The following MSH3 variants were observed in gnomAD, a reference collection of about 807,000 sequenced individuals.
The protein encoded by MSH3 is DNA mismatch repair protein Msh3.
Under a neutral mutation model 123.3 loss-of-function variants are expected in MSH3, and 106 were observed. That is an observed-to-expected ratio of 0.86 (90% confidence interval 0.73 to 1.01). The LOEUF is 1.01. MSH3 is among the 50% of genes least tolerant of loss of function. MSH3 has a pLI of 0.00. For missense variants in MSH3, 1,459 were observed against 1,347.6 expected, an observed-to-expected ratio of 1.08 and a Z score of -1.29; for synonymous variants, 515 against 481.4, an observed-to-expected ratio of 1.07 and a Z score of -0.91.
chr5:80,722,959 T>C (rs1341964908), intron 8 of MSH3, among the ~76,000 whole-genome samples: 3 of 151,880 alleles, frequency 2.0e-5, no homozygotes, highest in African/African-American at 7.3e-5. Flanking sequence ...ACAAAAAAAT[T>C]AGCTGGGCGT....
chr5:80,662,551 G>T (rs1749459506), intron 2 of MSH3, among the ~76,000 whole-genome samples: 1 of 152,128 alleles, frequency 6.6e-6, no homozygotes, highest in South Asian at 2.1e-4. Context: ...TTGGGGCGGG[G>T]CACGGTGGCT....
At chr5:80,861,999 C>T (rs1746021249) in intron 21 of MSH3, among the ~76,000 whole-genome samples, 1 of 152,050 alleles carries the variant, frequency 6.6e-6, no homozygotes. Context: ...CTTCCCTGAC[C>T]TTTTTATGGA....
chr5:80,763,346 G>A (rs1744074359), intron 13 of MSH3, among the ~76,000 whole-genome samples: 1 of 152,216 alleles, frequency 6.6e-6, no homozygotes, highest in Admixed American at 6.5e-5. Context: ...TGGAAATACT[G>A]ATCCTGGGGA....
chr5:80,743,882 G>A (rs959325251), intron 11 of MSH3, among the ~76,000 whole-genome samples: 1 of 151,700 alleles, frequency 6.6e-6, no homozygotes, highest in Admixed American at 6.6e-5. Context: ...AACTCAAGTG[G>A]AAACAGCCAT....
At position 80,654,687 on chromosome 5, in the gene MSH3, C is replaced by A; in HGVS notation, c.-41C>A. The A allele has an allele frequency of 6.4e-7, 1 of 1,558,362 alleles. No homozygotes were observed. Among genetic ancestry groups the A allele is most frequent in the Non-Finnish European group, 8.7e-7 (1 of 1,152,380 alleles). ...GAACTGCGGCCGCGGGCTCGCGCTCCTCGCCAGGCCCTGCCGCCGGGCTGC... is the reference window on the plus strand; with the variant it reads ...GAACTGCGGCCGCGGGCTCGCGCTCATCGCCAGGCCCTGCCGCCGGGCTGC... On this transcript the variant is annotated 5_prime_UTR_variant, in exon 1 of 24. Transcript: ENST00000265081.
Position 80,695,138 on chromosome 5 carries a change from G to T in MSH3, c.1340+16045G>T, listed in dbSNP as rs145568002. ...TCTCCTCTTGGGACTTTGATCACAA[G>T]AATGTTAGATCTTTTGTTATAGTCC... is the stretch of plus-strand genomic sequence containing the variant. On this transcript the variant is annotated intron_variant, in intron 8 of 23. Coordinates refer to ENST00000265081, the MANE Select transcript of MSH3 (RefSeq NM_002439.5). Among the ~76,000 whole-genome samples the T allele has an allele frequency of 7.7e-5, 11 of 143,454 alleles. No homozygotes were observed. The East Asian group carries it at 2.4e-3, about 31-fold the overall frequency. The allele number at this position is 143,454 out of a possible 152,430, so 94.1% of individuals were successfully genotyped here.
At chr5:80,861,740 G>C (rs1452732522) in intron 21 of MSH3, among the ~76,000 whole-genome samples, 1 of 152,082 alleles carries the variant, frequency 6.6e-6, no homozygotes, top group East Asian at 1.9e-4. Context: ...TCCAGCAATT[G>C]ATCAGTTCCA....
At chr5:80,858,904 G>A (rs1218773102) in intron 21 of MSH3, among the ~76,000 whole-genome samples, 1 of 151,968 alleles carries the variant, frequency 6.6e-6, no homozygotes. Context: ...ATGCATACAT[G>A]TTAAGGATAT....
At chr5:80,856,452 C>CA (rs1473069206) in intron 21 of MSH3, among the ~76,000 whole-genome samples, 1 of 146,914 alleles carries the variant, frequency 6.8e-6, no homozygotes, top group South Asian at 2.1e-4. Flanking sequence ...ATCGCAAGGA[C>CA]AAAAAACCAA....
In MSH3 at chr5:80,784,236, AAAAGGGAAATAAAT is replaced by A. The variant is rs1461210338; in HGVS notation, c.2436-3325_2436-3312del. Among the ~76,000 whole-genome samples the A allele has an allele frequency of 1.0e-3, 135 of 129,178 alleles. 8 individuals carry two copies. The highest frequency in any genetic ancestry group is 4.9e-3 in the African/African-American group (127 of 25,906). 84.7% of individuals were successfully genotyped at this position (129,178 alleles called of 152,430 possible). On this transcript the variant is annotated intron_variant, in intron 17 of 23. Transcript: ENST00000265081. ...GCAAAAAAAAAAAAAAAAAAAAAAA[AAAAGGGAAATAAAT>A]AAATAAATAAATAAAGTCGAAGCCA...
intron 20 of MSH3, among the ~76,000 whole-genome samples, chr5:80,844,490 A>G (rs1007764810): frequency 6.6e-6 from 1 of 152,096 alleles, no homozygotes; most frequent in African/African-American, 2.4e-5. Flanking sequence ...TCTAATATTG[A>G]TAGTGGGATG....
rs774583008 is a variant in MSH3, at chr5:80,694,363, G to C, written c.1340+15270G>C. ...CATTATATATACATAACTTATCACAGTGTACTTGTGTCATTGTTTTACCAG... is the reference window on the plus strand; with the variant it reads ...CATTATATATACATAACTTATCACACTGTACTTGTGTCATTGTTTTACCAG... On this transcript the variant is annotated intron_variant, in intron 8 of 23. Coordinates refer to ENST00000265081, the MANE Select transcript of MSH3 (RefSeq NM_002439.5). 7.1e-4 allele frequency among the ~76,000 whole-genome samples: 108 copies of C among 152,046 alleles called. 2 individuals are homozygous for C. Among genetic ancestry groups the C allele is most frequent in the Admixed American group, 6.6e-4 (10 of 15,254 alleles).
chr5:80,776,396 A>T (rs1316502799), intron 16 of MSH3, among the ~76,000 whole-genome samples: 2 of 152,194 alleles, frequency 1.3e-5, no homozygotes, highest in Non-Finnish European at 2.9e-5. Context: ...CTTTTACTTC[A>T]TGGTGAATGC....
intron 8 of MSH3, among the ~76,000 whole-genome samples, chr5:80,693,602 T>TATATAA (rs1561446182): frequency 2.9e-4 from 13 of 44,338 alleles, no homozygotes; most frequent in East Asian, 2.8e-3. Flanking sequence ...TATATAAACA[T>TATATAA]ACATATATAC....
At chr5:80,802,988 G>C (rs1031438203) in intron 19 of MSH3, among the ~76,000 whole-genome samples, 11 of 152,054 alleles carry the variant, frequency 7.2e-5, no homozygotes, top group Admixed American at 1.3e-4. Context: ...TGGACACTTA[G>C]TTTGCTTCCA....
intron 8 of MSH3, among the ~76,000 whole-genome samples, chr5:80,707,591 A>T (rs1750753126): frequency 6.6e-6 from 1 of 151,952 alleles, no homozygotes; most frequent in Non-Finnish European, 1.5e-5. Context: ...AAAAAGCCAG[A>T]TGTGGTGGCA....
intron 20 of MSH3, among the ~76,000 whole-genome samples, chr5:80,836,682 G>C (rs1157381667): frequency 6.6e-6 from 1 of 151,752 alleles, no homozygotes; most frequent in Non-Finnish European, 1.5e-5. Context: ...CATATAACCT[G>C]TGCACATCCT....
At chr5:80,759,176 CCT>C (rs1743987642) in intron 12 of MSH3, among the ~76,000 whole-genome samples, 1 of 152,024 alleles carries the variant, frequency 6.6e-6, no homozygotes, top group Non-Finnish European at 1.5e-5. Flanking sequence ...AGAAATGACC[CCT>C]GTGTTCACTG....
chr5:80,742,023 T>C (rs998460389), intron 11 of MSH3, among the ~76,000 whole-genome samples: 2 of 152,110 alleles, frequency 1.3e-5, no homozygotes, highest in Non-Finnish European at 2.9e-5. Flanking sequence ...TTTTCTTCTT[T>C]GAGACAGAGT....
Sources: gnomAD v4.1 joint callset for allele counts (sites outside exome capture counted in the v4.1 genomes callset) on GRCh38, gnomAD v4.1.1 for gene constraint, MANE v1.5 for transcripts, NCBI Gene and HGNC (gene_info 2026-07-23, HGNC 2026-07-21) for gene names.